Variants in MAP2K6 observed in about 807,000 individuals in gnomAD.
The protein encoded by MAP2K6 is dual specificity mitogen-activated protein kinase kinase 6.
MAP2K6 carries 16 observed loss-of-function variants against 53.7 expected under a neutral mutation model. That is an observed-to-expected ratio of 0.30 (90% CI 0.20 to 0.45). MAP2K6 has a LOEUF of 0.45. Ranked by LOEUF, MAP2K6 falls within the 20% of genes least tolerant of loss-of-function variation. MAP2K6 has a pLI of 1.00. For missense variants in MAP2K6, 204 were observed against 411.9 expected, an observed-to-expected ratio of 0.50 and a Z score of 4.37; for synonymous variants, 132 against 143.1, an observed-to-expected ratio of 0.92 and a Z score of 0.55.
At chr17:69,452,408 C>T (rs1180752555) in intron 1 of MAP2K6, among the ~76,000 whole-genome samples, 2 of 152,180 alleles carry the variant, frequency 1.3e-5, no homozygotes, top group African/African-American at 4.8e-5. Flanking sequence ...ATTGAATCCA[C>T]AATTCATTAC....
intron 1 of MAP2K6, among the ~76,000 whole-genome samples, chr17:69,426,910 T>G (rs1285016209): frequency 2.0e-5 from 3 of 152,228 alleles, no homozygotes; most frequent in African/African-American, 7.2e-5. Context: ...CTGTAGCTAT[T>G]GCTTGTGATT....
At chr17:69,453,436 A>G (rs1245342373) in intron 1 of MAP2K6, among the ~76,000 whole-genome samples, 1 of 152,240 alleles carries the variant, frequency 6.6e-6, no homozygotes, top group Non-Finnish European at 1.5e-5. Flanking sequence ...TGTACTTGAA[A>G]AAATGATTTT....
At chr17:69,487,747 T>C (rs1403833540) in intron 1 of MAP2K6, among the ~76,000 whole-genome samples, 3 of 152,246 alleles carry the variant, frequency 2.0e-5, no homozygotes, top group Non-Finnish European at 4.4e-5. Context: ...TTGGAGACTT[T>C]AAAATCATCT....
intron 1 of MAP2K6, among the ~76,000 whole-genome samples, chr17:69,464,669 G>A (rs970646337): frequency 1.7e-4 from 26 of 151,598 alleles, no homozygotes; most frequent in Non-Finnish European, 3.7e-4. Context: ...GGTGTTAGCC[G>A]CCGCTACTTA....
chr17:69,487,000 T>G (rs1469926072), intron 1 of MAP2K6, among the ~76,000 whole-genome samples: 2 of 152,220 alleles, frequency 1.3e-5, no homozygotes, highest in Non-Finnish European at 2.9e-5. Flanking sequence ...GTTTTTTGAT[T>G]GAGTCTAGAT....
chr17:69,495,845 T>A (rs1484837418), intron 1 of MAP2K6, among the ~76,000 whole-genome samples: 1 of 152,222 alleles, frequency 6.6e-6, no homozygotes, highest in African/African-American at 2.4e-5. Context: ...TTTAAAGTGA[T>A]GTTTTTAACA....
intron 1 of MAP2K6, among the ~76,000 whole-genome samples, chr17:69,430,665 T>G (rs2145136811): frequency 6.6e-6 from 1 of 152,306 alleles, no homozygotes; most frequent in East Asian, 1.9e-4. Context: ...TGAGTACCTG[T>G]ACACAGCTCT....
chr17:69,507,067 C>A (rs115221799), intron 2 of MAP2K6, among the ~76,000 whole-genome samples: 2,522 of 151,614 alleles, frequency 0.017, 68 homozygotes, highest in African/African-American at 0.058. Context: ...AGCTTACAGT[C>A]AAATATGTGG....
chr17:69,495,483 G>A (rs370825404), intron 1 of MAP2K6, among the ~76,000 whole-genome samples: 1 of 152,080 alleles, frequency 6.6e-6, no homozygotes, highest in African/African-American at 2.4e-5. Context: ...TGATCCACTC[G>A]CCTCAGCCTC....
intron 1 of MAP2K6, among the ~76,000 whole-genome samples, chr17:69,424,081 G>GT (rs745686177): frequency 1.3e-5 from 2 of 152,182 alleles, no homozygotes; most frequent in Non-Finnish European, 2.9e-5. Flanking sequence ...GAGGTTTCCA[G>GT]TTATCATCTC....
rs948697797 is a variant in MAP2K6, at chr17:69,548,897, C to T, written c.*7144C>T. 1.6e-4 allele frequency: 24 copies of T among 152,300 alleles called. No homozygotes were observed. Among genetic ancestry groups the T allele is most frequent in the African/African-American group, 5.5e-4 (23 of 41,564 alleles). 9.4% of individuals were successfully genotyped at this position (152,300 alleles called of 1,614,324 possible). ...CCAGATTTCTTTTTCAAGCAAAACT[C>T]CTCTGAAAGCCTCTTTGCTATAGAG... On this transcript the variant is annotated 3_prime_UTR_variant, in exon 12 of 12. Coordinates refer to ENST00000590474, the MANE Select transcript of MAP2K6 (RefSeq NM_002758.4).
chr17:69,440,741 G>GTT (rs779594281), intron 1 of MAP2K6, among the ~76,000 whole-genome samples: 3 of 133,120 alleles, frequency 2.3e-5, no homozygotes, highest in Admixed American at 7.4e-5. Context: ...GTTTTGTTTT[G>GTT]TTTTTTTTTT....
intron 11 of MAP2K6, 152 bp from the exon 12 acceptor site, chr17:69,541,524 G>A: frequency 4.2e-6 from 2 of 472,134 alleles, no homozygotes; most frequent in Non-Finnish European, 7.7e-6. Flanking sequence ...ATCACTAGAT[G>A]TGTGCTTGAT....
intron 1 of MAP2K6, among the ~76,000 whole-genome samples, chr17:69,491,115 C>T (rs1019264158): frequency 3.3e-5 from 5 of 150,698 alleles, no homozygotes; most frequent in African/African-American, 1.2e-4. Context: ...TTTTTTCCTT[C>T]CTTCCTTCCT....
chr17:69,520,033 TA>T, intron 5 of MAP2K6: 1 of 454,704 alleles, frequency 2.2e-6, no homozygotes. Flanking sequence ...CATTTTTCAT[TA>T]AGGGGTAGGA....
At position 69,505,846 on chromosome 17, in the gene MAP2K6, C is replaced by A. The variant is rs201975195; in HGVS notation, c.83C>A (p.Thr28Lys). The change falls in exon 2 of 12, where the codon ACA becomes AAA. Residue 28 changes from threonine (T) to lysine (K), a missense_variant and splice_region_variant. This residue lies in a region of MAP2K6 where 129 missense variants were observed against 247.1 expected (regional missense o/e 0.52). Transcript: ENST00000590474. ...EAFEQPQTSS[T>K]PPRDLDSKAC... is the part of the protein sequence containing the mutation. ...TTTGAACAACCTCAGACCAGTTCCA[C>A]GTAAGTTGACAAGACCATCATCTGA... is the stretch of plus-strand genomic sequence containing the variant. 16 of 1,612,812 alleles carry A rather than the reference C, an allele frequency of 9.9e-6. No homozygotes were observed. The African/African-American group carries it at 2.0e-4, about 20-fold the overall frequency.
intron 1 of MAP2K6, among the ~76,000 whole-genome samples, chr17:69,484,073 T>C (rs554421400): frequency 6.6e-6 from 1 of 152,176 alleles, no homozygotes; most frequent in South Asian, 2.1e-4. Flanking sequence ...TAAGCACCTA[T>C]GAAAAGATAG....
In MAP2K6 at chr17:69,464,240, A is replaced by AAAG. The variant is rs565037822; in HGVS notation, c.17-41540_17-41539insAAG. On this transcript the variant is annotated intron_variant, in intron 1 of 11. Transcript: ENST00000590474. ...GCTGGGATTACAGTGTCTGGGTCTT[A>AAAG]GGTTCCTCATCTGTCAAATGGAGAC... Among the ~76,000 whole-genome samples the AAAG allele has an allele frequency of 4.9e-3, 748 of 151,864 alleles. 7 individuals carry two copies. Among genetic ancestry groups the AAAG allele is most frequent in the Non-Finnish European group, 7.9e-3 (534 of 67,932 alleles).
chr17:69,460,513 A>G (rs1022548628), intron 1 of MAP2K6, among the ~76,000 whole-genome samples: 4 of 152,212 alleles, frequency 2.6e-5, no homozygotes, highest in African/African-American at 9.6e-5. Flanking sequence ...GATGGAGGAC[A>G]GTGGATAGGA....
Sources: allele counts gnomAD v4.1 joint callset (sites outside exome capture counted in the v4.1 genomes callset), GRCh38; gene constraint gnomAD v4.1.1; regional missense constraint gnomAD v4.1.1; transcripts MANE v1.5; gene names NCBI Gene and HGNC (gene_info 2026-07-23, HGNC 2026-07-21).